Variants in AP2B1 observed in about 807,000 individuals in gnomAD.
The protein encoded by AP2B1 is AP-2 complex subunit beta.
AP2B1 carries 23 observed loss-of-function variants against 102.0 expected under a neutral mutation model. That is an observed-to-expected ratio of 0.23 (90% CI 0.16 to 0.32). The LOEUF (loss-of-function observed/expected upper bound fraction) is 0.32, where lower values mean the gene tolerates loss of function less well. AP2B1 is among the 10% of genes least tolerant of loss of function. AP2B1 has a pLI of 1.00. For synonymous variants in AP2B1, 381 were observed against 421.2 expected, an observed-to-expected ratio of 0.90 and a Z score of 1.17; for missense variants, 541 against 1,157.4, an observed-to-expected ratio of 0.47 and a Z score of 7.73.
intron 14 of AP2B1, among the ~76,000 whole-genome samples, chr17:35,663,599 C>G (rs1278900511): frequency 1.3e-5 from 2 of 152,222 alleles, no homozygotes; most frequent in Non-Finnish European, 2.9e-5. Context: ...GAGTACACAG[C>G]AGAGTGCAGG....
chr17:35,719,488 A>G (rs1555591740), intron 21 of AP2B1, among the ~76,000 whole-genome samples: 1 of 152,242 alleles, frequency 6.6e-6, no homozygotes, highest in East Asian at 1.9e-4. Context: ...CACATGTAAC[A>G]TGTAACCTCT....
chr17:35,651,825 T>C (rs1417158791), intron 13 of AP2B1, among the ~76,000 whole-genome samples: 1 of 152,202 alleles, frequency 6.6e-6, no homozygotes, highest in Non-Finnish European at 1.5e-5. Context: ...GTGAGCTTCA[T>C]AAGGATTAGT....
chr17:35,630,763 G>A (rs1181025936), intron 9 of AP2B1, among the ~76,000 whole-genome samples: 1 of 152,144 alleles, frequency 6.6e-6, no homozygotes, highest in African/African-American at 2.4e-5. Context: ...GACTAAGCGT[G>A]CTTTGATGGG....
At chr17:35,617,469 T>C (rs935626476) in intron 5 of AP2B1, among the ~76,000 whole-genome samples, 6 of 152,218 alleles carry the variant, frequency 3.9e-5, no homozygotes, top group African/African-American at 1.4e-4. Flanking sequence ...AAGATTAAAA[T>C]TTTAAGGTTA....
chr17:35,680,547 T>C lies in AP2B1; in HGVS notation c.2325-2148T>C, dbSNP rs147766851. On this transcript the variant is annotated intron_variant, in intron 17 of 21. Transcript: ENST00000610402. Reference sequence around the variant, plus strand: ...ACCACACTGGCCAATATTTGTAATTTTTTTCCAGAGACAGGGTTTCTCTAT... The same window carrying C: ...ACCACACTGGCCAATATTTGTAATTCTTTTCCAGAGACAGGGTTTCTCTAT... Among the ~76,000 whole-genome samples, 194 of 152,134 alleles carry C rather than the reference T, an allele frequency of 1.3e-3. 3 individuals are homozygous for C. The highest frequency in any genetic ancestry group is 4.0e-3 in the African/African-American group (164 of 41,502).
intron 14 of AP2B1, among the ~76,000 whole-genome samples, chr17:35,661,240 G>C (rs2075352042): frequency 6.6e-6 from 1 of 151,744 alleles, no homozygotes; most frequent in Non-Finnish European, 1.5e-5. Flanking sequence ...AAACTATAAA[G>C]AAAAAAAATA....
At chr17:35,711,616 C>T (rs1480448957) in intron 20 of AP2B1, among the ~76,000 whole-genome samples, 1 of 152,064 alleles carries the variant, frequency 6.6e-6, no homozygotes, top group Non-Finnish European at 1.5e-5. Flanking sequence ...CTACAGGCGC[C>T]AGCCACCACA....
chr17:35,605,896 G>C, intron 4 of AP2B1, 56 bp downstream of exon 4: 1 of 1,581,580 alleles, frequency 6.3e-7, no homozygotes, highest in Non-Finnish European at 8.6e-7. Flanking sequence ...AGTAACCTCT[G>C]TTCACAAGGA....
intron 18 of AP2B1, among the ~76,000 whole-genome samples, chr17:35,695,188 A>G (rs1009547568): frequency 5.3e-5 from 8 of 152,192 alleles, no homozygotes; most frequent in Non-Finnish European, 8.8e-5. Context: ...GGCTGCTAGA[A>G]GAGGAGAGGA....
At chr17:35,588,242 T>TG (rs1161526872) in intron 1 of AP2B1, among the ~76,000 whole-genome samples, 61 of 16,934 alleles carry the variant, frequency 3.6e-3, no homozygotes, top group East Asian at 0.033. Flanking sequence ...AGGGGTGGGG[T>TG]GGGGGGGGAC....
chr17:35,620,344 G>T (rs1243837531), intron 5 of AP2B1, among the ~76,000 whole-genome samples: 1 of 151,892 alleles, frequency 6.6e-6, no homozygotes, highest in Non-Finnish European at 1.5e-5. Context: ...GCCAGGCATG[G>T]TGGCATGCAC....
At chr17:35,690,066 A>G (rs766592729) in intron 18 of AP2B1, among the ~76,000 whole-genome samples, 5 of 152,036 alleles carry the variant, frequency 3.3e-5, no homozygotes, top group Non-Finnish European at 7.4e-5. Context: ...CTAGAACTCC[A>G]GTTACATATG....
Position 35,671,973 on chromosome 17 carries a change from G to A in AP2B1, c.2178+73G>A, listed in dbSNP as rs749558138. ...AAACTGTTTCACTTTCAACATTTGT[G>A]TTACTTCTACTGGTAATAAATCAAA... On this transcript the variant is annotated intron_variant, in intron 16 of 21. Coordinates refer to ENST00000610402, the MANE Select transcript of AP2B1 (RefSeq NM_001030006.2). 2.0e-6 allele frequency: 3 copies of A among 1,528,686 alleles called. No homozygotes were observed. In the Admixed American group the frequency reaches 5.3e-5, roughly 27 times the overall value. The allele number at this position is 1,528,686 out of a possible 1,614,324, so 94.7% of individuals were successfully genotyped here.
chr17:35,661,298 C>G (rs2075353382), intron 14 of AP2B1, among the ~76,000 whole-genome samples: 3 of 152,164 alleles, frequency 2.0e-5, no homozygotes, highest in African/African-American at 7.2e-5. Flanking sequence ...CTCTGGGAGG[C>G]AGGACCTAGA....
chr17:35,676,848 GGA>G (rs2075713953), intron 17 of AP2B1, among the ~76,000 whole-genome samples: 1 of 152,020 alleles, frequency 6.6e-6, no homozygotes, highest in African/African-American at 2.4e-5. Flanking sequence ...GTTTTTGGGG[GGA>G]GAGAGAGGAT....
intron 5 of AP2B1, among the ~76,000 whole-genome samples, chr17:35,611,511 G>A (rs1261179731): frequency 3.3e-5 from 5 of 152,124 alleles, no homozygotes; most frequent in Non-Finnish European, 5.9e-5. Context: ...ACACACTCAA[G>A]TAGCACATTT....
At chr17:35,715,594 C>G (rs1367362930) in intron 20 of AP2B1, among the ~76,000 whole-genome samples, 1 of 152,342 alleles carries the variant, frequency 6.6e-6, no homozygotes, top group East Asian at 1.9e-4. Context: ...TAGCCAAACC[C>G]TAGCTGATGA....
intron 17 of AP2B1, among the ~76,000 whole-genome samples, chr17:35,681,029 A>AC (rs1305784066): frequency 6.6e-6 from 1 of 152,138 alleles, no homozygotes; most frequent in Non-Finnish European, 1.5e-5. Flanking sequence ...TGCTTCTCAG[A>AC]CCATCTGTCC....
intron 18 of AP2B1, among the ~76,000 whole-genome samples, chr17:35,683,192 C>T (rs2075860885): frequency 6.6e-6 from 1 of 152,130 alleles, no homozygotes; most frequent in Non-Finnish European, 1.5e-5. Flanking sequence ...TTTTCATTTA[C>T]ATGTAAAAAA....
Sources: allele counts gnomAD v4.1 joint callset (sites outside exome capture counted in the v4.1 genomes callset), GRCh38; gene constraint gnomAD v4.1.1; transcripts MANE v1.5; gene names NCBI Gene and HGNC (gene_info 2026-07-23, HGNC 2026-07-21).